ADAMTSL3: variants seen among roughly 807,000 people sequenced by gnomAD.
ADAMTSL3 encodes the protein ADAMTS like 3, also known as ADAMTS-like protein 3.
ADAMTSL3 carries 128 observed loss-of-function variants against 201.7 expected under a neutral mutation model. The ratio of observed to expected loss-of-function variants is 0.63; its 90% CI spans 0.55 to 0.73. The LOEUF is 0.73. Among genes scored for constraint, ADAMTSL3 ranks in the 30% least tolerant of loss-of-function variants. The pLI, the probability that ADAMTSL3 is intolerant of heterozygous loss-of-function variation, is 0.00. For synonymous variants in ADAMTSL3, 738 were observed against 748.4 expected (o/e 0.99, Z 0.23); for missense variants, 1,990 against 2,119.6 (o/e 0.94, Z 1.20).
chr15:84,035,404 G>A (rs1208247263), intron 28 of ADAMTSL3, among the ~76,000 whole-genome samples: 1 of 152,158 alleles, frequency 6.6e-6, no homozygotes, highest in Non-Finnish European at 1.5e-5. Context: ...TCTATATAGG[G>A]ATGGTTGAGG....
At chr15:83,758,545 T>C (rs2062756460) in intron 3 of ADAMTSL3, among the ~76,000 whole-genome samples, 1 of 152,186 alleles carries the variant, frequency 6.6e-6, no homozygotes, top group Non-Finnish European at 1.5e-5. Context: ...GTTAACTTTT[T>C]TCCTGTTTGT....
Position 84,021,530 on chromosome 15 carries a change from GTGATCACCT to G in ADAMTSL3, c.4395_4403del (p.Asp1466_Leu1468del). The G allele has an allele frequency of 6.2e-7, 1 of 1,614,182 alleles. No homozygotes were observed. The highest frequency in any genetic ancestry group is 8.5e-7 in the Non-Finnish European group (1 of 1,180,034). ...GGGCAGGAAGTGAGTGAGGCCCTGT[GTGATCACCT>G]CCAGAAGCCACTGGCTGGGTTTGAG... is the stretch of plus-strand genomic sequence containing the variant. On this transcript the variant is annotated inframe_deletion, in exon 26 of 30. Coordinates refer to ENST00000286744, the MANE Select transcript of ADAMTSL3 (RefSeq NM_207517.3).
chr15:83,666,353 G>A (rs1200912375), intron 2 of ADAMTSL3, among the ~76,000 whole-genome samples: 1 of 152,166 alleles, frequency 6.6e-6, no homozygotes, highest in Non-Finnish European at 1.5e-5. Flanking sequence ...GGGTCAAGAA[G>A]TTTGTGAAAT....
At chr15:83,856,470 C>A (rs1282773248) in intron 7 of ADAMTSL3, among the ~76,000 whole-genome samples, 1 of 152,128 alleles carries the variant, frequency 6.6e-6, no homozygotes, top group East Asian at 1.9e-4. Context: ...AGCCACCATG[C>A]CTGGCCCCCT....
intron 23 of ADAMTSL3, among the ~76,000 whole-genome samples, chr15:84,004,881 T>C (rs772828104): frequency 8.5e-5 from 13 of 152,150 alleles, no homozygotes; most frequent in Non-Finnish European, 1.6e-4. Context: ...TTACAGCCAG[T>C]GTGGTGTGTT....
At chr15:83,814,794 A>C (rs1181291784) in intron 5 of ADAMTSL3, among the ~76,000 whole-genome samples, 3 of 152,174 alleles carry the variant, frequency 2.0e-5, no homozygotes, top group Non-Finnish European at 2.9e-5. Context: ...GGGGATTGGG[A>C]GGGGGATTGC....
chr15:84,001,407 C>A (rs2067789718), intron 23 of ADAMTSL3, among the ~76,000 whole-genome samples: 1 of 152,166 alleles, frequency 6.6e-6, no homozygotes, highest in Non-Finnish European at 1.5e-5. Context: ...TGTGTATTGG[C>A]TTCAACAGCA....
intron 25 of ADAMTSL3, among the ~76,000 whole-genome samples, chr15:84,017,309 A>G (rs62026482): frequency 0.024 from 3,680 of 152,086 alleles, 72 homozygotes; most frequent in Middle Eastern, 0.044. Context: ...AGTGGAGACG[A>G]GGTTTCACCG....
At chr15:83,986,108 T>C (rs1435649414) in intron 21 of ADAMTSL3, among the ~76,000 whole-genome samples, 3 of 152,156 alleles carry the variant, frequency 2.0e-5, no homozygotes. Flanking sequence ...ATACCGTTTT[T>C]AAAAAGGCTA....
intron 28 of ADAMTSL3, among the ~76,000 whole-genome samples, chr15:84,034,201 C>T (rs961826196): frequency 7.2e-5 from 11 of 152,128 alleles, no homozygotes; most frequent in African/African-American, 2.7e-4. Flanking sequence ...CCCTTTTCCC[C>T]ACAGACCTCT....
At chr15:83,688,000 G>A (rs2061560839) in intron 2 of ADAMTSL3, among the ~76,000 whole-genome samples, 1 of 152,204 alleles carries the variant, frequency 6.6e-6, no homozygotes, top group Non-Finnish European at 1.5e-5. Flanking sequence ...ACCACAAAGT[G>A]TAAAGCATGA....
chr15:83,722,174 A>C (rs916877384), intron 3 of ADAMTSL3, among the ~76,000 whole-genome samples: 4 of 152,226 alleles, frequency 2.6e-5, no homozygotes, highest in African/African-American at 9.6e-5. Context: ...TGCTGGATTC[A>C]GCAGAGAATC....
chr15:83,768,223 T>C (rs2062923526), intron 3 of ADAMTSL3, among the ~76,000 whole-genome samples: 3 of 152,236 alleles, frequency 2.0e-5, no homozygotes, highest in Admixed American at 2.0e-4. Context: ...CTGCCTGTAC[T>C]TTATATGTGT....
At chr15:83,828,893 A>T (rs551814049) in intron 6 of ADAMTSL3, among the ~76,000 whole-genome samples, 2 of 152,300 alleles carry the variant, frequency 1.3e-5, no homozygotes, top group African/African-American at 4.8e-5. Context: ...ATCATGGTGG[A>T]TAAGTTTTTT....
At chr15:83,901,628 A>G (rs1160173156) in intron 15 of ADAMTSL3, among the ~76,000 whole-genome samples, 2 of 152,170 alleles carry the variant, frequency 1.3e-5, no homozygotes, top group Admixed American at 6.6e-5. Flanking sequence ...AAAAGTGTAT[A>G]CGTATGTGTT....
At chr15:83,852,990 G>T (rs1376312706) in intron 7 of ADAMTSL3, among the ~76,000 whole-genome samples, 2 of 152,044 alleles carry the variant, frequency 1.3e-5, no homozygotes, top group Non-Finnish European at 2.9e-5. Flanking sequence ...CTGAGTAGCT[G>T]GGATTACAGG....
At chr15:83,808,101 A>G (rs2063629949) in intron 5 of ADAMTSL3, among the ~76,000 whole-genome samples, 1 of 152,194 alleles carries the variant, frequency 6.6e-6, no homozygotes, top group Admixed American at 6.5e-5. Flanking sequence ...TATGACCTCA[A>G]AAGCACAGAC....
At chr15:83,812,797 A>T (rs1426852656) in intron 5 of ADAMTSL3, among the ~76,000 whole-genome samples, 1 of 152,252 alleles carries the variant, frequency 6.6e-6, no homozygotes, top group African/African-American at 2.4e-5. Flanking sequence ...CATACTTATT[A>T]AGTACTTCCT....
chr15:83,999,575 T>C (rs2067752223), intron 23 of ADAMTSL3, among the ~76,000 whole-genome samples: 1 of 152,134 alleles, frequency 6.6e-6, no homozygotes, highest in African/African-American at 2.4e-5. Flanking sequence ...TGAGAAAAGG[T>C]AGGTAGAAGT....
Sources: gnomAD v4.1 joint callset for allele counts (sites outside exome capture counted in the v4.1 genomes callset) on GRCh38, gnomAD v4.1.1 for gene constraint, MANE v1.5 for transcripts, NCBI Gene and HGNC (gene_info 2026-07-23, HGNC 2026-07-21) for gene names.